MED15: variants seen among roughly 807,000 people sequenced by gnomAD.
The protein encoded by MED15 is mediator complex subunit 15, also known as mediator of RNA polymerase II transcription subunit 15.
MED15 carries 41 observed loss-of-function variants against 118.7 expected under a neutral mutation model. The ratio of observed to expected loss-of-function variants is 0.35; its 90% CI spans 0.27 to 0.45. The LOEUF is 0.45. MED15 is among the 20% of genes least tolerant of loss of function. MED15 has a pLI of 1.00. For missense variants in MED15, 740 were observed against 1,025.5 expected, an observed-to-expected ratio of 0.72 and a Z score of 3.80; for synonymous variants, 436 against 413.9, an observed-to-expected ratio of 1.05 and a Z score of -0.65.
rs573389480 is a variant in MED15, at chr22:20,533,405, A to G, written c.69-3712A>G. The stretch of plus-strand genomic sequence containing the variant: ...TTGTGACACTTGATCTTCAAACTAG[A>G]AACAGGAGCAAAGACATTTTCAAAA... On this transcript the variant is annotated intron_variant, in intron 1 of 17. Transcript: ENST00000263205. 4.6e-5 allele frequency among the ~76,000 whole-genome samples: 7 copies of G among 152,318 alleles called. No homozygotes were observed. In the South Asian group the frequency reaches 1.2e-3, roughly 27 times the overall value.
chr22:20,531,872 A>G (rs2054876128), intron 1 of MED15, among the ~76,000 whole-genome samples: 2 of 152,238 alleles, frequency 1.3e-5, no homozygotes, highest in South Asian at 4.1e-4. Flanking sequence ...AGCCGACAGC[A>G]GGGGTGCCTG....
At position 20,587,448 on chromosome 22, in the gene MED15, G is replaced by C. The variant is rs770812036; in HGVS notation, c.*744G>C. On this transcript the variant is annotated 3_prime_UTR_variant, in exon 18 of 18. Coordinates refer to ENST00000263205, the MANE Select transcript of MED15 (RefSeq NM_001003891.3). ...CCGTGTCCTCAGAGCACCACACACTGAGCACCCAGAGACAGCGGGCCTGGC... is the reference window on the plus strand; with the variant it reads ...CCGTGTCCTCAGAGCACCACACACTCAGCACCCAGAGACAGCGGGCCTGGC... The C allele has an allele frequency of 8.8e-5, 17 of 194,046 alleles. No individual in the cohort carries two copies. Among genetic ancestry groups the C allele is most frequent in the Non-Finnish European group, 1.2e-4 (11 of 93,616 alleles). 12.0% of individuals were successfully genotyped at this position (194,046 alleles called of 1,614,324 possible). A position where few individuals can be genotyped will look rare whatever the true frequency, so the allele number is the denominator to read the frequency against.
At chr22:20,547,693 G>A (rs776774749) in intron 2 of MED15, among the ~76,000 whole-genome samples, 16 of 152,122 alleles carry the variant, frequency 1.1e-4, no homozygotes, top group Non-Finnish European at 2.2e-4. Flanking sequence ...GGTGGCAGGC[G>A]CCTGTAGTGC....
chr22:20,582,948 T>C lies in MED15; in HGVS notation c.1518T>C (p.Pro506=). ...CACAGAACTTCAGTGTCCCCTCACCTGGACCTTTAAACACACCTGGTAAGT... is the reference window on the plus strand; with the variant it reads ...CACAGAACTTCAGTGTCCCCTCACCCGGACCTTTAAACACACCTGGTAAGT... ...RTPQNFSVPS[P]GPLNTPVNPS... The change falls in exon 11 of 18, where the codon CCT becomes CCC. Residue 506 remains proline, a synonymous_variant. Transcript: ENST00000263205. The C allele has an allele frequency of 1.9e-6, 3 of 1,613,630 alleles. No homozygotes were observed. The highest frequency in any genetic ancestry group is 2.5e-6 in the Non-Finnish European group (3 of 1,179,928).
chr22:20,566,956 C>T, intron 7 of MED15, 139 bp downstream of exon 7: 1 of 1,450,818 alleles, frequency 6.9e-7, no homozygotes, highest in East Asian at 2.3e-5. Context: ...CTTGCCAGCC[C>T]TGCCGACTCT....
intron 1 of MED15, among the ~76,000 whole-genome samples, chr22:20,529,003 G>C (rs1473024691): frequency 1.3e-5 from 2 of 152,146 alleles, no homozygotes; most frequent in African/African-American, 4.8e-5. Context: ...ACCTGGCAAA[G>C]ACCTAGGGCT....
chr22:20,566,643 G>A lies in MED15; in HGVS notation c.867G>A (p.Gln289=), dbSNP rs748028030. 2.5e-6 allele frequency: 4 copies of A among 1,614,058 alleles called. No homozygotes were observed. The highest frequency in any genetic ancestry group is 2.7e-5 in the African/African-American group (2 of 74,932). ...CGCCCTCCCAGGCTCTGCCCCAGCA[G>A]CTGCAGCAGATGCATCACACACAGC... ...QPPPSQALPQ[Q]LQQMHHTQHH... Residue 289 remains glutamine (Q), a synonymous_variant, in exon 7 of 18, where the codon CAG becomes CAA. Transcript: ENST00000263205.
At chr22:20,517,392 A>G (rs2054291090) in intron 1 of MED15, among the ~76,000 whole-genome samples, 1 of 152,144 alleles carries the variant, frequency 6.6e-6, no homozygotes. Flanking sequence ...TCCTCAGACA[A>G]TCTCAGTTCT....
intron 9 of MED15, among the ~76,000 whole-genome samples, chr22:20,578,879 C>G (rs929888219): frequency 6.6e-6 from 1 of 152,008 alleles, no homozygotes; most frequent in Admixed American, 6.6e-5. Flanking sequence ...CCCATGGGCT[C>G]TTCTCCAGAG....
chr22:20,564,201 A>G (rs2056348350), intron 5 of MED15, among the ~76,000 whole-genome samples: 1 of 152,302 alleles, frequency 6.6e-6, no homozygotes, highest in Admixed American at 6.5e-5. Context: ...TATTTATCCA[A>G]AAGACTTAGT....
Position 20,537,201 on chromosome 22 carries a change from C to T in MED15, c.153C>T (p.Thr51=), listed in dbSNP as rs141012864. 366 of 1,612,260 alleles carry T rather than the reference C, an allele frequency of 2.3e-4. 4 individuals are homozygous for T. Among genetic ancestry groups the T allele is most frequent in the South Asian group, 1.8e-3 (162 of 90,918 alleles). Residue 51 remains threonine, a synonymous_variant, in exon 2 of 18, where the codon ACC becomes ACT. Coordinates refer to ENST00000263205, the MANE Select transcript of MED15 (RefSeq NM_001003891.3). ...GCCATGTTTTCCTGAAGGCCAAGACCCGGGTAAGGCCCTAGTAAGTGGAGC... is the reference window on the plus strand; with the variant it reads ...GCCATGTTTTCCTGAAGGCCAAGACTCGGGTAAGGCCCTAGTAAGTGGAGC... ...MESHVFLKAK[T]RDEYLSLVAR... is the part of the protein sequence containing the mutation.
At position 20,555,075 on chromosome 22, in the gene MED15, A is replaced by C; in HGVS notation, c.378A>C (p.Ser126=). ...LGAMGQPMSL[S]GQPPPGTSGM... ...CCATGGGACAGCCAATGTCTCTCTC[A>C]GGGCAGCCGCCTCCTGGGACCTCGG... is the stretch of plus-strand genomic sequence containing the variant. The change falls in exon 5 of 18, where the codon TCA becomes TCC. Residue 126 remains serine, a synonymous_variant. Transcript: ENST00000263205. 6.2e-7 allele frequency: 1 copy of C among 1,612,698 alleles called. No homozygotes were observed. The highest frequency in any genetic ancestry group is 8.5e-7 in the Non-Finnish European group (1 of 1,179,858).
At chr22:20,547,473 G>T (rs1164740253) in intron 2 of MED15, among the ~76,000 whole-genome samples, 1 of 152,124 alleles carries the variant, frequency 6.6e-6, no homozygotes, top group South Asian at 2.1e-4. Flanking sequence ...GGAGGTTGGG[G>T]ACTGAGCAAA....
intron 1 of MED15, among the ~76,000 whole-genome samples, chr22:20,530,233 A>G (rs2054804670): frequency 6.6e-6 from 1 of 152,212 alleles, no homozygotes; most frequent in Non-Finnish European, 1.5e-5. Context: ...GGCTGCACAC[A>G]CAGGCAGCAA....
intron 5 of MED15, 95 bp from the exon 6 acceptor site, chr22:20,564,355 G>T: frequency 6.5e-7 from 1 of 1,550,174 alleles, no homozygotes. Context: ...TGGCAGTGGG[G>T]CTTTTGCTGG....
In MED15 at chr22:20,546,873, CGGTAA is replaced by C. The variant is rs2055565120; in HGVS notation, c.157-4562_157-4558del. 2.0e-5 allele frequency among the ~76,000 whole-genome samples: 3 copies of C among 152,172 alleles called. No homozygotes were observed. The South Asian group carries it at 6.2e-4, about 32-fold the overall frequency. ...GGGAGTGAACCCTGGGGACTTCTGC[CGGTAA>C]AGTGGCATTTGGAGCATGCTACGTG... On this transcript the variant is annotated intron_variant, in intron 2 of 17. Transcript: ENST00000263205.
At chr22:20,536,360 G>A (rs2055081477) in intron 1 of MED15, among the ~76,000 whole-genome samples, 1 of 151,246 alleles carries the variant, frequency 6.6e-6, no homozygotes, top group Non-Finnish European at 1.5e-5. Flanking sequence ...GGTGGGGGTG[G>A]GGGTGGGTGG....
Position 20,551,453 on chromosome 22 carries a change from C to T in MED15, c.174C>T (p.Leu58=), listed in dbSNP as rs751945646. The change falls in exon 3 of 18, where the codon CTC becomes CTT. Residue 58 remains leucine (L), a synonymous_variant. Coordinates refer to ENST00000263205, the MANE Select transcript of MED15 (RefSeq NM_001003891.3). ...KAKTRDEYLS[L]VARLIIHFRD... ...ACTTTTAGGACGAATACCTTTCTCT[C>T]GTGGCCAGGCTCATTATCCATTTTC... 17 of 1,614,102 alleles carry T rather than the reference C, an allele frequency of 1.1e-5. No homozygotes were observed. Among genetic ancestry groups the T allele is most frequent in the South Asian group, 4.4e-5 (4 of 91,078 alleles).
chr22:20,561,183 C>T (rs2056225186), intron 5 of MED15, among the ~76,000 whole-genome samples: 1 of 151,966 alleles, frequency 6.6e-6, no homozygotes, highest in Admixed American at 6.6e-5. Flanking sequence ...TCAATCCAAT[C>T]ATCCAACAAA....
Sources: allele counts gnomAD v4.1 joint callset (sites outside exome capture counted in the v4.1 genomes callset), GRCh38; gene constraint gnomAD v4.1.1; transcripts MANE v1.5; gene names NCBI Gene and HGNC (gene_info 2026-07-23, HGNC 2026-07-21).